ITFG1: variants seen among roughly 807,000 people sequenced by gnomAD.
ITFG1 encodes the protein integrin alpha FG-GAP repeat containing 1, also known as T-cell immunomodulatory protein.
Under a neutral mutation model 81.8 loss-of-function variants are expected in ITFG1, and 34 were observed. The observed-to-expected ratio is 0.42, with a 90% CI of 0.32 to 0.55. The LOEUF (loss-of-function observed/expected upper bound fraction) is 0.55, where lower values mean the gene tolerates loss of function less well. Among genes scored for constraint, ITFG1 ranks in the 20% least tolerant of loss-of-function variants. The pLI is 0.17. For synonymous variants in ITFG1, 285 were observed against 270.6 expected, an observed-to-expected ratio of 1.05 and a Z score of -0.52; for missense variants, 672 against 755.4, an observed-to-expected ratio of 0.89 and a Z score of 1.29.
At chr16:47,186,357 C>G (rs1202090646) in intron 14 of ITFG1, among the ~76,000 whole-genome samples, 2 of 152,052 alleles carry the variant, frequency 1.3e-5, no homozygotes, top group African/African-American at 4.8e-5. Flanking sequence ...TGCAAAAATC[C>G]TCAATAAAAT....
chr16:47,338,422 CA>C (rs560128839), intron 8 of ITFG1, among the ~76,000 whole-genome samples: 3 of 149,646 alleles, frequency 2.0e-5, no homozygotes, highest in East Asian at 2.0e-4. Context: ...ACCAAACAAA[CA>C]AAAAAAAATG....
chr16:47,302,173 C>T (rs1022968330), intron 10 of ITFG1, among the ~76,000 whole-genome samples: 15 of 152,202 alleles, frequency 9.9e-5, no homozygotes, highest in Admixed American at 9.8e-4. Context: ...TTCTTTAAGA[C>T]TCCTGCTCTC....
intron 8 of ITFG1, among the ~76,000 whole-genome samples, chr16:47,330,997 G>T (rs1225814496): frequency 6.6e-6 from 1 of 152,026 alleles, no homozygotes; most frequent in African/African-American, 2.4e-5. Context: ...AAAATAAATT[G>T]TTCTACCAAA....
At chr16:47,445,159 T>C (rs1443295743) in intron 5 of ITFG1, among the ~76,000 whole-genome samples, 2 of 146,938 alleles carry the variant, frequency 1.4e-5, no homozygotes, top group Non-Finnish European at 3.0e-5. Flanking sequence ...GTTTGAGATA[T>C]CTTAGTTAAT....
intron 8 of ITFG1, among the ~76,000 whole-genome samples, chr16:47,325,726 G>A (rs1967527917): frequency 6.6e-6 from 1 of 152,184 alleles, no homozygotes; most frequent in Non-Finnish European, 1.5e-5. Flanking sequence ...AAATTTAGAA[G>A]AAATGGATAA....
At chr16:47,400,372 GAC>G (rs140818900) in intron 6 of ITFG1, among the ~76,000 whole-genome samples, 7 of 149,702 alleles carry the variant, frequency 4.7e-5, no homozygotes, top group Admixed American at 1.3e-4. Flanking sequence ...CTGGGTGACA[GAC>G]ACACACACAC....
chr16:47,332,495 C>T (rs962071819), intron 8 of ITFG1, among the ~76,000 whole-genome samples: 1 of 152,130 alleles, frequency 6.6e-6, no homozygotes, highest in African/African-American at 2.4e-5. Context: ...GTTTCATTTA[C>T]ATATTTTGTT....
At chr16:47,195,141 T>C (rs959397722) in intron 14 of ITFG1, among the ~76,000 whole-genome samples, 8 of 152,244 alleles carry the variant, frequency 5.3e-5, no homozygotes, top group Admixed American at 5.2e-4. Flanking sequence ...TTTCTTTTTA[T>C]TTTATTTTTC....
chr16:47,334,762 C>T (rs1210022681), intron 8 of ITFG1, among the ~76,000 whole-genome samples: 2 of 151,970 alleles, frequency 1.3e-5, no homozygotes, highest in African/African-American at 2.4e-5. Flanking sequence ...CAGACAGGTC[C>T]CATTTTATGA....
chr16:47,410,994 C>A (rs1281803862), intron 6 of ITFG1, among the ~76,000 whole-genome samples: 2 of 152,166 alleles, frequency 1.3e-5, no homozygotes, highest in African/African-American at 4.8e-5. Context: ...CAGCTCCCAC[C>A]AGAGCATGCC....
At chr16:47,335,706 A>G (rs1034068996) in intron 8 of ITFG1, among the ~76,000 whole-genome samples, 1 of 152,226 alleles carries the variant, frequency 6.6e-6, no homozygotes, top group Admixed American at 6.5e-5. Context: ...TAAAATAGTT[A>G]TAATAAAAAA....
chr16:47,235,872 T>G (rs1965867568), intron 13 of ITFG1, among the ~76,000 whole-genome samples: 2 of 152,244 alleles, frequency 1.3e-5, no homozygotes, highest in Non-Finnish European at 1.5e-5. Context: ...AAGTACACTG[T>G]GCATTTGTTT....
intron 10 of ITFG1, among the ~76,000 whole-genome samples, chr16:47,293,672 T>A (rs1966942839): frequency 6.6e-6 from 1 of 152,114 alleles, no homozygotes; most frequent in Admixed American, 6.6e-5. Flanking sequence ...TCTACTTGAG[T>A]CCTTTGCCCA....
intron 6 of ITFG1, chr16:47,396,103 C>A (rs2151597485): frequency 3.3e-6 from 3 of 917,176 alleles, no homozygotes; most frequent in South Asian, 1.0e-4. Context: ...AAACACTCAC[C>A]TATCCCTTTC....
chr16:47,418,118 T>C (rs1265281352), intron 6 of ITFG1, among the ~76,000 whole-genome samples: 2 of 152,236 alleles, frequency 1.3e-5, no homozygotes, highest in East Asian at 3.8e-4. Flanking sequence ...TAAATTTCAC[T>C]GATGATTAGA....
intron 10 of ITFG1, among the ~76,000 whole-genome samples, chr16:47,288,554 C>A (rs1966879146): frequency 6.6e-6 from 1 of 152,108 alleles, no homozygotes; most frequent in South Asian, 2.1e-4. Flanking sequence ...ATTTACTTTC[C>A]CACCATCAAT....
At position 47,375,878 on chromosome 16, in the gene ITFG1, A is replaced by G; in HGVS notation, c.718T>C (p.Leu240=). The change falls in exon 7 of 18, where the codon TTG becomes CTG. Residue 240 remains leucine, a splice_region_variant and synonymous_variant. Coordinates refer to ENST00000320640, the MANE Select transcript of ITFG1 (RefSeq NM_030790.5). ...STFQFEIWEN[L]DGNFSVSTIL... ...GCTTCAAGGAAAAGATTTCTTACCA[A>G]ATTTTCCCATATTTCAAACTGGAAG... The G allele has an allele frequency of 1.3e-6, 2 of 1,582,128 alleles. No individual in the cohort carries two copies. Among genetic ancestry groups the G allele is most frequent in the East Asian group, 2.2e-5 (1 of 44,618 alleles).
At chr16:47,170,611 G>A (rs1964946314) in intron 14 of ITFG1, among the ~76,000 whole-genome samples, 1 of 151,466 alleles carries the variant, frequency 6.6e-6, no homozygotes, top group African/African-American at 2.4e-5. Context: ...TGTATTTTTA[G>A]TAGAGACAGG....
intron 10 of ITFG1, among the ~76,000 whole-genome samples, chr16:47,306,847 C>A (rs940674651): frequency 2.0e-5 from 3 of 151,800 alleles, no homozygotes; most frequent in African/African-American, 7.3e-5. Context: ...GTAATCCCAG[C>A]ACTTTGGGAG....
Sources: gnomAD v4.1 joint callset for allele counts (sites outside exome capture counted in the v4.1 genomes callset) on GRCh38, gnomAD v4.1.1 for gene constraint, MANE v1.5 for transcripts, NCBI Gene and HGNC (gene_info 2026-07-23, HGNC 2026-07-21) for gene names.